The following NPC1 variants were observed in gnomAD, a reference collection of about 807,000 sequenced individuals.
The protein encoded by NPC1 is NPC intracellular cholesterol transporter 1, also known as Niemann-Pick C1 protein.
In NPC1, 85 loss-of-function variants were observed where a neutral mutation model predicts 140.4. The observed-to-expected ratio is 0.61, with a 90% CI of 0.51 to 0.72. The LOEUF is 0.72. NPC1 is among the 30% of genes least tolerant of loss of function. NPC1 has a pLI of 0.00. For synonymous variants in NPC1, 656 were observed against 624.8 expected, an observed-to-expected ratio of 1.05 and a Z score of -0.74; for missense variants, 1,504 against 1,623.8, an observed-to-expected ratio of 0.93 and a Z score of 1.27.
downstream of NPC1, chr18:23,518,907 T>G: frequency 1.2e-6 from 2 of 1,614,134 alleles, no homozygotes; most frequent in Non-Finnish European, 1.7e-6. Flanking sequence ...CAGCTGTATG[T>G]TCTCTTCTTG....
chr18:23,529,110 G>A (rs1304135130), downstream of NPC1: 1 of 1,558,850 alleles, frequency 6.4e-7, no homozygotes, highest in African/African-American at 1.4e-5. Flanking sequence ...CAGTCCTTGT[G>A]GATGAACTGT....
At chr18:23,530,352 T>C (rs754288968), downstream of NPC1, 2 of 1,614,012 alleles carry the variant, frequency 1.2e-6, no homozygotes, top group African/African-American at 2.7e-5. Flanking sequence ...TTCCTGTTGT[T>C]TGCACTGACC....
chr18:23,542,931 T>A (rs2058731676), intron 14 of NPC1, among the ~76,000 whole-genome samples: 1 of 152,146 alleles, frequency 6.6e-6, no homozygotes, highest in Non-Finnish European at 1.5e-5. Flanking sequence ...TCCTGACAGT[T>A]AAATGAGAAG....
intron 4 of NPC1, among the ~76,000 whole-genome samples, chr18:23,563,406 ATGTT>A (rs1481320065): frequency 6.6e-6 from 1 of 152,154 alleles, no homozygotes; most frequent in African/African-American, 2.4e-5. Flanking sequence ...TGGTAGTTCT[ATGTT>A]TGTTTCAGGA....
chr18:23,567,397 ATCTCT>A (rs1443489338), intron 4 of NPC1, among the ~76,000 whole-genome samples: 1 of 152,182 alleles, frequency 6.6e-6, no homozygotes, highest in Non-Finnish European at 1.5e-5. Context: ...AATGTTGAGC[ATCTCT>A]TCTCATGTAC....
At chr18:23,577,791 G>A (rs2059307994) in intron 1 of NPC1, among the ~76,000 whole-genome samples, 1 of 152,270 alleles carries the variant, frequency 6.6e-6, no homozygotes, top group Admixed American at 6.5e-5. Context: ...AGGCAGCCAA[G>A]GCCCAGCGAG....
chr18:23,541,494 C>CTTATG (rs1165871827), intron 14 of NPC1, 61 bp from the exon 15 acceptor site: 16 of 1,610,024 alleles, frequency 9.9e-6, no homozygotes, highest in African/African-American at 1.3e-5. Context: ...CTCTGCAGGT[C>CTTATG]TTATGTTCAT....
chr18:23,577,496 A>G (rs7245201), intron 1 of NPC1, among the ~76,000 whole-genome samples: 3 of 147,948 alleles, frequency 2.0e-5, no homozygotes, highest in East Asian at 2.1e-4. Flanking sequence ...TGATTGGTGT[A>G]TTTACAATCC....
At chr18:23,564,537 G>A (rs991092313) in intron 4 of NPC1, among the ~76,000 whole-genome samples, 1 of 151,770 alleles carries the variant, frequency 6.6e-6, no homozygotes, top group Non-Finnish European at 1.5e-5. Flanking sequence ...CACCCAGGCT[G>A]GTCTTGAACT....
intron 22 of NPC1, among the ~76,000 whole-genome samples, chr18:23,535,074 C>T (rs2058606882): frequency 6.6e-6 from 1 of 152,148 alleles, no homozygotes; most frequent in Admixed American, 6.5e-5. Flanking sequence ...ATCCTGCTGT[C>T]ATCAGGCTAC....
intron 1 of NPC1, among the ~76,000 whole-genome samples, chr18:23,578,004 G>C (rs577694739): frequency 3.3e-5 from 5 of 152,228 alleles, no homozygotes; most frequent in African/African-American, 1.2e-4. Flanking sequence ...GTTCCTGCTC[G>C]TGTCTCTCCC....
downstream of NPC1, chr18:23,520,250 G>A (rs769164405): frequency 8.1e-6 from 13 of 1,613,942 alleles, no homozygotes; most frequent in South Asian, 3.3e-5. Context: ...TGACGGCTCC[G>A]TTACCTTCCA....
chr18:23,525,768 G>C (rs2058281318), downstream of NPC1, among the ~76,000 whole-genome samples: 1 of 152,048 alleles, frequency 6.6e-6, no homozygotes, highest in South Asian at 2.1e-4. Flanking sequence ...TGTTGCCCCT[G>C]TGTCTCTAAT....
chr18:23,526,876 C>A, downstream of NPC1: 1 of 1,419,226 alleles, frequency 7.0e-7, no homozygotes, highest in Admixed American at 2.2e-5. Context: ...GACCCACAGC[C>A]TCATTCTTTA....
chr18:23,524,792 C>G (rs994334731), downstream of NPC1, among the ~76,000 whole-genome samples: 1 of 152,030 alleles, frequency 6.6e-6, no homozygotes, highest in African/African-American at 2.4e-5. Context: ...GTGTCTCCCT[C>G]ATTTCTCCCA....
At chr18:23,518,840 G>A, downstream of NPC1, 1 of 1,548,396 alleles carries the variant, frequency 6.5e-7, no homozygotes, top group East Asian at 2.2e-5. Context: ...TTAGAACAAA[G>A]GAATTTTGAA....
downstream of NPC1, among the ~76,000 whole-genome samples, chr18:23,526,149 G>A (rs1367717567): frequency 5.3e-5 from 8 of 152,178 alleles, no homozygotes; most frequent in Non-Finnish European, 1.2e-4. Flanking sequence ...CAGTGTGGGT[G>A]ATCAGTACAT....
chr18:23,571,330 C>T (rs2059199882), intron 3 of NPC1, among the ~76,000 whole-genome samples: 1 of 151,440 alleles, frequency 6.6e-6, no homozygotes. Flanking sequence ...CAGGCCTGGC[C>T]AACATAGTGA....
In NPC1 at chr18:23,540,147, C is replaced by T. The variant is rs992720605; in HGVS notation, c.2605-146G>A. ...ACTCATGATTCCTAACACCACCAGT[C>T]TTCCCCCCAGGGCCCCAGGGTGCTC... On this transcript the variant is annotated intron_variant, in intron 17 of 24. Coordinates refer to ENST00000269228, the MANE Select transcript of NPC1 (RefSeq NM_000271.5). 4.0e-6 allele frequency: 3 copies of T among 757,748 alleles called. No homozygotes were observed. In the African/African-American group the frequency reaches 5.2e-5, roughly 13 times the overall value. 46.9% of individuals were successfully genotyped at this position (757,748 alleles called of 1,614,324 possible). A position where few individuals can be genotyped will look rare whatever the true frequency, so the allele number is the denominator to read the frequency against.
Sources: allele counts gnomAD v4.1 joint callset (sites outside exome capture counted in the v4.1 genomes callset), GRCh38; gene constraint gnomAD v4.1.1; transcripts MANE v1.5; gene names NCBI Gene and HGNC (gene_info 2026-07-23, HGNC 2026-07-21).